RSPO2: variants seen among roughly 807,000 people sequenced by gnomAD.
The protein encoded by RSPO2 is R-spondin 2.
RSPO2 carries 14 observed loss-of-function variants against 30.9 expected under a neutral mutation model. The ratio of observed to expected loss-of-function variants is 0.45; its 90% CI spans 0.30 to 0.71. The LOEUF is 0.71. Among genes scored for constraint, RSPO2 ranks in the 30% least tolerant of loss-of-function variants. The pLI is 0.08. For missense variants in RSPO2, 264 were observed against 301.9 expected, an observed-to-expected ratio of 0.87 and a Z score of 0.93; for synonymous variants, 107 against 96.4, an observed-to-expected ratio of 1.11 and a Z score of -0.64.
At chr8:107,921,208 C>G (rs1222675172) in intron 5 of RSPO2, among the ~76,000 whole-genome samples, 1 of 151,872 alleles carries the variant, frequency 6.6e-6, no homozygotes, top group Non-Finnish European at 1.5e-5. Context: ...CTAGAAAACA[C>G]ACTTCTGATA....
intron 2 of RSPO2, among the ~76,000 whole-genome samples, chr8:107,994,767 AC>A (rs1742819907): frequency 6.6e-6 from 1 of 152,128 alleles, no homozygotes; most frequent in Non-Finnish European, 1.5e-5. Context: ...AATTATTGAA[AC>A]TTTTAGCTTT....
intron 4 of RSPO2, among the ~76,000 whole-genome samples, chr8:107,959,268 A>G (rs1813542627): frequency 6.6e-6 from 1 of 152,212 alleles, no homozygotes. Context: ...CTACAGTTTG[A>G]AAAGTAAACA....
chr8:107,939,106 C>G (rs1418723810), intron 5 of RSPO2, among the ~76,000 whole-genome samples: 3 of 151,934 alleles, frequency 2.0e-5, no homozygotes, highest in South Asian at 2.1e-4. Context: ...TGTTTATGAG[C>G]AAAAATAAGA....
intron 2 of RSPO2, among the ~76,000 whole-genome samples, chr8:108,081,591 G>T (rs1483966412): frequency 6.6e-6 from 1 of 152,158 alleles, no homozygotes; most frequent in Non-Finnish European, 1.5e-5. Flanking sequence ...AAATTGAATC[G>T]TGTCTAGCCG....
At chr8:107,986,770 T>G (rs1400973619) in intron 3 of RSPO2, among the ~76,000 whole-genome samples, 1 of 152,152 alleles carries the variant, frequency 6.6e-6, no homozygotes. Flanking sequence ...GTCTTCCTTG[T>G]GCGCTAATAG....
At chr8:108,053,340 T>G (rs1315020792) in intron 2 of RSPO2, among the ~76,000 whole-genome samples, 1 of 152,198 alleles carries the variant, frequency 6.6e-6, no homozygotes, top group Non-Finnish European at 1.5e-5. Context: ...TAAAAACAGA[T>G]TCTCTTCTTA....
Position 107,899,938 on chromosome 8 carries a change from C to G in RSPO2, c.*1137G>C, listed in dbSNP as rs555008. On this transcript the variant is annotated 3_prime_UTR_variant, in exon 6 of 6. Coordinates refer to ENST00000276659, the MANE Select transcript of RSPO2 (RefSeq NM_178565.5). ...CCTTTTATCTCCTAAAATTCTATGC[C>G]CAGGCTCATGGTAGTAGCTTCTTCA... 6.6e-6 allele frequency: 1 copy of G among 152,024 alleles called. No individual in the cohort carries two copies. Among genetic ancestry groups the G allele is most frequent in the Non-Finnish European group, 1.5e-5 (1 of 68,016 alleles). 9.4% of individuals were successfully genotyped at this position (152,024 alleles called of 1,614,324 possible). A position where few individuals can be genotyped will look rare whatever the true frequency, so the allele number is the denominator to read the frequency against.
intron 2 of RSPO2, among the ~76,000 whole-genome samples, chr8:107,999,380 TCTC>T (rs1815149878): frequency 6.6e-6 from 1 of 152,164 alleles, no homozygotes; most frequent in Non-Finnish European, 1.5e-5. Flanking sequence ...TCATTTGGCT[TCTC>T]CTATTAAAAT....
At chr8:107,996,985 C>A in intron 2 of RSPO2, 1 of 442,276 alleles carries the variant, frequency 2.3e-6, no homozygotes, top group South Asian at 1.6e-5. Flanking sequence ...TGATGTGAAC[C>A]ACACCTAACC....
At chr8:107,910,456 C>T (rs1811786849) in intron 5 of RSPO2, among the ~76,000 whole-genome samples, 1 of 152,138 alleles carries the variant, frequency 6.6e-6, no homozygotes, top group Admixed American at 6.6e-5. Flanking sequence ...TTGCTTGAGT[C>T]CAGGATTTTG....
At chr8:108,034,447 AGAAG>A (rs1299964780) in intron 2 of RSPO2, among the ~76,000 whole-genome samples, 2 of 152,230 alleles carry the variant, frequency 1.3e-5, no homozygotes, top group Non-Finnish European at 2.9e-5. Flanking sequence ...TTATACATAA[AGAAG>A]GAAGTATGTT....
chr8:107,968,351 A>C (rs1184906512), intron 3 of RSPO2, among the ~76,000 whole-genome samples: 2 of 152,164 alleles, frequency 1.3e-5, no homozygotes, highest in East Asian at 1.9e-4. Context: ...CAGGCACAGA[A>C]AGACAAATAT....
intron 5 of RSPO2, among the ~76,000 whole-genome samples, chr8:107,928,805 G>A (rs1389432180): frequency 6.6e-6 from 1 of 152,200 alleles, no homozygotes; most frequent in African/African-American, 2.4e-5. Context: ...TTGGCGTTAT[G>A]ATTAAATAAG....
intron 2 of RSPO2, among the ~76,000 whole-genome samples, chr8:108,015,715 G>A (rs143127025): frequency 7.3e-5 from 11 of 150,498 alleles, no homozygotes; most frequent in African/African-American, 1.7e-4. Flanking sequence ...TCCAAACACC[G>A]CCCCACCAGC....
In RSPO2 at chr8:107,951,046, T is replaced by TG. The variant is rs1563535580; in HGVS notation, c.616+7033_616+7034insC. Reference sequence around the variant, plus strand: ...GATGAGGCGATAGGGAGAATAAGTTTTTTTTTGTTGTTGTTGTTGTTGTTG... The same window carrying TG: ...GATGAGGCGATAGGGAGAATAAGTTTGTTTTTTGTTGTTGTTGTTGTTGTTG... On this transcript the variant is annotated intron_variant, in intron 5 of 5. Transcript: ENST00000276659. Among the ~76,000 whole-genome samples the TG allele has an allele frequency of 3.4e-5, 5 of 146,482 alleles. No homozygotes were observed. In the East Asian group the frequency reaches 8.1e-4, roughly 24 times the overall value.
At chr8:108,028,585 G>A (rs1183176582) in intron 2 of RSPO2, among the ~76,000 whole-genome samples, 2 of 152,304 alleles carry the variant, frequency 1.3e-5, no homozygotes, top group African/African-American at 4.8e-5. Context: ...GTGCATGGTA[G>A]ACCAGCAGCT....
intron 4 of RSPO2, among the ~76,000 whole-genome samples, chr8:107,959,331 T>C (rs1168507142): frequency 2.0e-5 from 3 of 152,196 alleles, no homozygotes; most frequent in Non-Finnish European, 2.9e-5. Flanking sequence ...GTAAAAACTT[T>C]AGCATCTCCT....
intron 5 of RSPO2, among the ~76,000 whole-genome samples, chr8:107,948,028 G>A (rs1586569020): frequency 1.3e-5 from 2 of 152,180 alleles, no homozygotes; most frequent in Non-Finnish European, 2.9e-5. Context: ...ATCCTCTTCA[G>A]GAACTATTCC....
intron 3 of RSPO2, among the ~76,000 whole-genome samples, chr8:107,973,777 CT>C (rs1176974515): frequency 1.3e-5 from 2 of 152,118 alleles, no homozygotes; most frequent in South Asian, 2.1e-4. Context: ...CCATCCCTTC[CT>C]TTTTTCCCCC....
Sources: gnomAD v4.1 joint callset for allele counts (sites outside exome capture counted in the v4.1 genomes callset) on GRCh38, gnomAD v4.1.1 for gene constraint, MANE v1.5 for transcripts, NCBI Gene and HGNC (gene_info 2026-07-23, HGNC 2026-07-21) for gene names.